The following HDGFL3 variants were observed in gnomAD, a reference collection of about 807,000 sequenced individuals.
HDGFL3 encodes the protein HDGF like 3.
In HDGFL3, 6 loss-of-function variants were observed where a neutral mutation model predicts 27.6. The ratio of observed to expected loss-of-function variants is 0.22; its 90% CI spans 0.12 to 0.43. HDGFL3 has a LOEUF of 0.43. Among genes scored for constraint, HDGFL3 ranks in the 20% least tolerant of loss-of-function variants. The pLI is 1.00. For missense variants in HDGFL3, 207 were observed against 250.1 expected, an observed-to-expected ratio of 0.83 and a Z score of 1.16; for synonymous variants, 88 against 88.9, an observed-to-expected ratio of 0.99 and a Z score of 0.05.
intron 1 of HDGFL3, among the ~76,000 whole-genome samples, chr15:83,177,368 A>G (rs1360283074): frequency 6.6e-6 from 1 of 152,212 alleles, no homozygotes; most frequent in Non-Finnish European, 1.5e-5. Context: ...TATTTTTCAA[A>G]TAAGATTTGG....
At chr15:83,121,726 G>C (rs1230714657) in intron 3 of HDGFL3, among the ~76,000 whole-genome samples, 1 of 152,318 alleles carries the variant, frequency 6.6e-6, no homozygotes, top group African/African-American at 2.4e-5. Context: ...CACGAAGAAG[G>C]TTCTATAGTA....
intron 4 of HDGFL3, among the ~76,000 whole-genome samples, chr15:83,155,321 T>C (rs2037015003): frequency 1.3e-5 from 2 of 152,372 alleles, no homozygotes; most frequent in East Asian, 3.9e-4. Context: ...CCATTACTTT[T>C]GGTCTTTGTA....
intron 3 of HDGFL3, among the ~76,000 whole-genome samples, chr15:83,119,269 A>G (rs890948253): frequency 6.6e-6 from 1 of 152,180 alleles, no homozygotes; most frequent in Non-Finnish European, 1.5e-5. Context: ...GGTCTCCATG[A>G]GTTTGCCATA....
intron 3 of HDGFL3, among the ~76,000 whole-genome samples, chr15:83,122,430 G>T (rs2035352180): frequency 6.6e-6 from 1 of 152,148 alleles, no homozygotes; most frequent in Non-Finnish European, 1.5e-5. Context: ...GATATAGGGA[G>T]ATAGATATAT....
exon 4 of HDGFL3, chr15:83,112,784 C>A (rs376049026): frequency 1.9e-6 from 3 of 1,596,946 alleles, no homozygotes; most frequent in African/African-American, 2.7e-5. Context: ...CCTCCCTGTT[C>A]TGGTCGTTGC....
At position 83,145,190 on chromosome 15, in the gene HDGFL3, G is replaced by T. The variant is rs904827565; in HGVS notation, c.607-5915C>A. Among the ~76,000 whole-genome samples, 4 of 151,968 alleles carry T rather than the reference G, an allele frequency of 2.6e-5. No homozygotes were observed. The East Asian group carries it at 5.8e-4, about 22-fold the overall frequency. The stretch of plus-strand genomic sequence containing the variant: ...ATGCCCTTTATCCTAGCTTACTCTG[G>T]ATACTATAAGATGGGCTCCAGAGCA... On this transcript the variant is annotated intron_variant, in intron 5 of 5. Transcript: ENST00000299633.
intron 5 of HDGFL3, among the ~76,000 whole-genome samples, chr15:83,141,088 C>T (rs1031305012): frequency 2.6e-5 from 4 of 152,160 alleles, no homozygotes; most frequent in Non-Finnish European, 4.4e-5. Context: ...ACCATAATCA[C>T]TTTGCATCTA....
downstream of HDGFL3, chr15:83,126,958 C>T (rs1041168528): frequency 3.8e-6 from 3 of 785,874 alleles, no homozygotes; most frequent in Non-Finnish European, 6.1e-6. Flanking sequence ...TTTGGGAGGC[C>T]GAGGCAGGTT....
chr15:83,148,855 T>C (rs1478730393), intron 5 of HDGFL3, among the ~76,000 whole-genome samples: 1 of 152,110 alleles, frequency 6.6e-6, no homozygotes, highest in Non-Finnish European at 1.5e-5. Context: ...CAATATACTG[T>C]TTATACACCT....
intron 1 of HDGFL3, among the ~76,000 whole-genome samples, chr15:83,199,875 T>C (rs1344748972): frequency 6.7e-6 from 1 of 150,218 alleles, no homozygotes; most frequent in Admixed American, 6.6e-5. Flanking sequence ...ACCCAGTCTC[T>C]ACTAAAAATA....
chr15:83,193,668 C>A (rs182408297), intron 1 of HDGFL3, among the ~76,000 whole-genome samples: 3 of 152,176 alleles, frequency 2.0e-5, no homozygotes, highest in Non-Finnish European at 4.4e-5. Flanking sequence ...GTCAATTTAC[C>A]GTTGCCAGCA....
At position 83,165,301 on chromosome 15, in the gene HDGFL3, T is replaced by C. The variant is rs75633053; in HGVS notation, c.85-1226A>G. ...TCTGTCACTTATTGGCTGTGTGATC[T>C]TGGGCCAGTCACTCAACTGCAGTTT... On this transcript the variant is annotated intron_variant, in intron 1 of 5. Transcript: ENST00000299633. Among the ~76,000 whole-genome samples the C allele has an allele frequency of 0.024, 3,625 of 152,312 alleles. 189 individuals carry two copies. In the East Asian group the frequency reaches 0.25, roughly 10 times the overall value.
At chr15:83,174,960 C>A (rs2037291190) in intron 1 of HDGFL3, among the ~76,000 whole-genome samples, 1 of 152,142 alleles carries the variant, frequency 6.6e-6, no homozygotes, top group Non-Finnish European at 1.5e-5. Context: ...GAATTAGTTA[C>A]AAACACCTAA....
chr15:83,145,860 TC>T (rs2036878851), intron 5 of HDGFL3, among the ~76,000 whole-genome samples: 1 of 150,282 alleles, frequency 6.7e-6, no homozygotes, highest in Non-Finnish European at 1.5e-5. Flanking sequence ...GTTTGTTCTT[TC>T]TTTTTTTTTT....
chr15:83,144,066 G>A (rs1436028623), intron 5 of HDGFL3, among the ~76,000 whole-genome samples: 4 of 152,090 alleles, frequency 2.6e-5, no homozygotes, highest in Admixed American at 6.5e-5. Flanking sequence ...CCAGGCAATC[G>A]TCAGCACCAG....
chr15:83,203,551 AAAC>A (rs1212705054), intron 1 of HDGFL3, among the ~76,000 whole-genome samples: 2 of 152,104 alleles, frequency 1.3e-5, no homozygotes, highest in African/African-American at 4.8e-5. Context: ...AGATGCAAGC[AAAC>A]AACAAGGTAA....
chr15:83,142,813 C>T (rs774662370), intron 5 of HDGFL3, among the ~76,000 whole-genome samples: 1 of 152,052 alleles, frequency 6.6e-6, no homozygotes, highest in Non-Finnish European at 1.5e-5. Context: ...TGTCTTCTAT[C>T]AAATCAGACA....
At chr15:83,176,368 T>A (rs1405757624) in intron 1 of HDGFL3, among the ~76,000 whole-genome samples, 1 of 152,186 alleles carries the variant, frequency 6.6e-6, no homozygotes, top group Non-Finnish European at 1.5e-5. Flanking sequence ...ATATAAGAAT[T>A]TTCAGGAAAT....
intron 1 of HDGFL3, among the ~76,000 whole-genome samples, chr15:83,183,428 A>G (rs981065828): frequency 6.6e-6 from 1 of 152,178 alleles, no homozygotes; most frequent in African/African-American, 2.4e-5. Context: ...ACAGGCCCTC[A>G]AAAAACTGAA....
Sources: allele counts gnomAD v4.1 joint callset (sites outside exome capture counted in the v4.1 genomes callset), GRCh38; gene constraint gnomAD v4.1.1; transcripts MANE v1.5; gene names NCBI Gene and HGNC (gene_info 2026-07-23, HGNC 2026-07-21).